Variants in CENPC observed in about 807,000 individuals in gnomAD.
CENPC encodes CENP-C 1.
CENPC carries 63 observed loss-of-function variants against 112.1 expected under a neutral mutation model. The ratio of observed to expected loss-of-function variants is 0.56; its 90% CI spans 0.46 to 0.69. CENPC has a LOEUF of 0.69. CENPC is among the 30% of genes least tolerant of loss of function. The pLI is 0.00. For synonymous variants in CENPC, 333 were observed against 367.6 expected (o/e 0.91, Z 1.08); for missense variants, 1,000 against 1,103.8 (o/e 0.91, Z 1.33).
chr4:67,480,891 A>C (rs1396866458), intron 17 of CENPC, among the ~76,000 whole-genome samples: 1 of 152,238 alleles, frequency 6.6e-6, no homozygotes, highest in Non-Finnish European at 1.5e-5. Context: ...AAAGAGGACA[A>C]GGATGCCCAC....
At chr4:67,528,158 A>C (rs533209320) in intron 5 of CENPC, among the ~76,000 whole-genome samples, 6 of 152,294 alleles carry the variant, frequency 3.9e-5, no homozygotes, top group Non-Finnish European at 7.4e-5. Context: ...TGCTGAATTA[A>C]AATTTTGATA....
At chr4:67,540,091 T>C (rs894605144) in intron 3 of CENPC, among the ~76,000 whole-genome samples, 157 bp from the exon 4 acceptor site, 1 of 152,168 alleles carries the variant, frequency 6.6e-6, no homozygotes, top group Non-Finnish European at 1.5e-5. Flanking sequence ...AATATTCAAA[T>C]GTTCCTGAGA....
Position 67,541,024 on chromosome 4 carries a change from C to G in CENPC, c.92G>C (p.Gly31Ala). ...TTGTAAGATTTCCAGAACATTCTGG[C>G]CTTGCTCTGTGTTAATGTCACGTGC... ...SRARDINTEQ[G>A]QNVLEILQDC... Residue 31 changes from glycine (G) to alanine (A), a missense_variant, in exon 3 of 19, where the codon GGC becomes GCC. Transcript: ENST00000273853. The G allele has an allele frequency of 6.2e-7, 1 of 1,609,888 alleles. No individual in the cohort carries two copies. The highest frequency in any genetic ancestry group is 8.5e-7 in the Non-Finnish European group (1 of 1,178,026).
At position 67,495,342 on chromosome 4, in the gene CENPC, C is replaced by A. The variant is rs137892988; in HGVS notation, c.2132-130G>T. The A allele has an allele frequency of 2.0e-4, 173 of 847,430 alleles. No individual in the cohort carries two copies. In the African/African-American group the frequency reaches 2.9e-3, roughly 14 times the overall value. The allele number at this position is 847,430 out of a possible 1,614,324, so 52.5% of individuals were successfully genotyped here. On this transcript the variant is annotated intron_variant, in intron 12 of 18. Coordinates refer to ENST00000273853, the MANE Select transcript of CENPC (RefSeq NM_001812.4). Reference sequence around the variant, plus strand: ...TGACCTGATAATGTATTTTATTACTCCTTTTGCTTTTCATTGCTCAACTAT... The same window carrying A: ...TGACCTGATAATGTATTTTATTACTACTTTTGCTTTTCATTGCTCAACTAT...
At chr4:67,488,438 A>G (rs1725149617) in intron 17 of CENPC, among the ~76,000 whole-genome samples, 1 of 151,916 alleles carries the variant, frequency 6.6e-6, no homozygotes, top group South Asian at 2.1e-4. Context: ...AGCACCCCTC[A>G]CTCTGAACTT....
At chr4:67,497,843 A>G (rs758969367) in intron 12 of CENPC, among the ~76,000 whole-genome samples, 133 of 152,258 alleles carry the variant, frequency 8.7e-4, no homozygotes, top group Non-Finnish European at 4.4e-4. Context: ...AGTTATGTCT[A>G]TACTATACTA....
intron 17 of CENPC, among the ~76,000 whole-genome samples, chr4:67,479,368 G>A (rs1724893289): frequency 6.6e-6 from 1 of 152,088 alleles, no homozygotes; most frequent in Admixed American, 6.6e-5. Flanking sequence ...ATTATATCAA[G>A]TACTCTCTCA....
intron 10 of CENPC, among the ~76,000 whole-genome samples, chr4:67,508,253 T>C (rs183545253): frequency 1.3e-5 from 2 of 152,236 alleles, no homozygotes; most frequent in Non-Finnish European, 2.9e-5. Flanking sequence ...GTCTGTTTGT[T>C]TTTTGAATCT....
intron 17 of CENPC, among the ~76,000 whole-genome samples, chr4:67,482,888 C>G (rs984893023): frequency 2.0e-5 from 3 of 152,038 alleles, no homozygotes; most frequent in African/African-American, 7.2e-5. Context: ...TCTCCCCACC[C>G]AAATGTCACC....
intron 17 of CENPC, among the ~76,000 whole-genome samples, chr4:67,476,243 A>G (rs1724800941): frequency 6.6e-6 from 1 of 152,244 alleles, no homozygotes; most frequent in Admixed American, 6.5e-5. Context: ...GAACTACTGC[A>G]GGAACATACC....
rs1727005747 is a variant in CENPC, at chr4:67,545,410, AC to A, written c.-56del. ...TCTGAGGTGGAAGCCCACACGGACC[AC>A]AGCTCCAGGAAGCCGAGCAAGAAAC... is the stretch of plus-strand genomic sequence containing the variant. On this transcript the variant is annotated 5_prime_UTR_variant, in exon 1 of 19. Coordinates refer to ENST00000273853, the MANE Select transcript of CENPC (RefSeq NM_001812.4). 6.8e-7 allele frequency: 1 copy of A among 1,464,370 alleles called. No individual in the cohort carries two copies. The highest frequency in any genetic ancestry group is 1.4e-5 in the African/African-American group (1 of 69,064). The allele number at this position is 1,464,370 out of a possible 1,614,324, so 90.7% of individuals were successfully genotyped here. A position where few individuals can be genotyped will look rare whatever the true frequency, so the allele number is the denominator to read the frequency against.
At chr4:67,501,986 A>G (rs910082598) in intron 12 of CENPC, among the ~76,000 whole-genome samples, 3 of 152,162 alleles carry the variant, frequency 2.0e-5, no homozygotes, top group Non-Finnish European at 2.9e-5. Context: ...AATTTCAAAG[A>G]TTAAAGGATC....
chr4:67,520,370 G>GTGGA lies in CENPC; in HGVS notation c.332-869_332-868insTCCA, dbSNP rs769632506. ...AGTAGTGAAACCCCTGACCTTCACA[G>GTGGA]CCCAAGGCAACATTTTGATCCACTG... On this transcript the variant is annotated intron_variant, in intron 5 of 18. Transcript: ENST00000273853. Among the ~76,000 whole-genome samples the GTGGA allele has an allele frequency of 1.1e-4, 16 of 152,248 alleles. No individual in the cohort carries two copies. In the East Asian group the frequency reaches 1.2e-3, roughly 11 times the overall value.
At chr4:67,500,320 A>G (rs1444174295) in intron 12 of CENPC, among the ~76,000 whole-genome samples, 1 of 152,178 alleles carries the variant, frequency 6.6e-6, no homozygotes, top group Non-Finnish European at 1.5e-5. Context: ...ATAGATATAG[A>G]TGCCTGTATT....
intron 12 of CENPC, among the ~76,000 whole-genome samples, chr4:67,499,836 T>A (rs1391724879): frequency 1.3e-5 from 2 of 152,154 alleles, no homozygotes; most frequent in Non-Finnish European, 2.9e-5. Context: ...TGATTTAAAG[T>A]GAAAAATGTG....
At chr4:67,517,805 C>T (rs935824403) in intron 7 of CENPC, among the ~76,000 whole-genome samples, 2 of 152,130 alleles carry the variant, frequency 1.3e-5, no homozygotes, top group Non-Finnish European at 2.9e-5. Flanking sequence ...TCACTGCACT[C>T]CAGCCTGGAA....
intron 12 of CENPC, among the ~76,000 whole-genome samples, chr4:67,497,589 G>A (rs1237001524): frequency 2.0e-5 from 3 of 152,104 alleles, no homozygotes; most frequent in African/African-American, 7.2e-5. Context: ...CTGCAGTGCA[G>A]TGGTGGGATC....
intron 2 of CENPC, 24 bp from the exon 3 acceptor site, chr4:67,541,074 G>A (rs2109836655): frequency 1.3e-6 from 2 of 1,498,128 alleles, no homozygotes; most frequent in South Asian, 2.4e-5. Flanking sequence ...AATACAGCCT[G>A]TCATTTTCAG....
intron 12 of CENPC, among the ~76,000 whole-genome samples, chr4:67,503,775 C>T (rs1398661319): frequency 6.6e-6 from 1 of 151,814 alleles, no homozygotes; most frequent in Middle Eastern, 3.2e-3. Flanking sequence ...TAAGCATACA[C>T]TAGACACTAG....
Sources: allele counts gnomAD v4.1 joint callset (sites outside exome capture counted in the v4.1 genomes callset), GRCh38; gene constraint gnomAD v4.1.1; transcripts MANE v1.5; gene names NCBI Gene and HGNC (gene_info 2026-07-23, HGNC 2026-07-21).